The following FUNDC2 variants were observed in gnomAD, a reference collection of about 807,000 sequenced individuals.
The protein encoded by FUNDC2 is FUN14 domain containing 2.
Under a neutral mutation model 15.6 loss-of-function variants are expected in FUNDC2, and 4 were observed. The ratio of observed to expected loss-of-function variants is 0.26; its 90% confidence interval spans 0.13 to 0.59. The LOEUF (loss-of-function observed/expected upper bound fraction) is 0.59, where lower values mean the gene tolerates loss of function less well. FUNDC2 is among the 20% of genes least tolerant of loss of function. FUNDC2 has a pLI of 0.90. For synonymous variants in FUNDC2, 44 were observed against 56.9 expected, an observed-to-expected ratio of 0.77 and a Z score of 1.02; for missense variants, 98 against 149.7, an observed-to-expected ratio of 0.65 and a Z score of 1.80.
intron 3 of FUNDC2, among the ~76,000 whole-genome samples, chrX:155,048,193 T>C (rs782407386): frequency 2.7e-5 from 3 of 111,796 alleles, no homozygotes; most frequent in African/African-American, 9.8e-5. Flanking sequence ...ATAATTCCAA[T>C]ATTCAAGGGG....
At position 155,057,383 on chromosome X, in the gene FUNDC2, G is replaced by A. The variant is rs2073910219; in HGVS notation, c.*2711G>A. The A allele has an allele frequency of 9.0e-6, 1 of 111,325 alleles. No homozygotes were observed. The highest frequency in any genetic ancestry group is 1.9e-5 in the Non-Finnish European group (1 of 52,575). The allele number at this position is 111,325 out of a possible 1,213,427, so 9.2% of individuals were successfully genotyped here. A position where few individuals can be genotyped will look rare whatever the true frequency, so the allele number is the denominator to read the frequency against. ...TGACTGGAGAGGCCTGCTTAGCTAG[G>A]CACGTATTTTCTCCAGTAGCAGAGT... is the stretch of plus-strand genomic sequence containing the variant. On this transcript the variant is annotated 3_prime_UTR_variant, in exon 5 of 5. Coordinates refer to ENST00000369498, the MANE Select transcript of FUNDC2 (RefSeq NM_023934.4).
At chrX:155,045,997 C>T (rs1418884538) in intron 2 of FUNDC2, among the ~76,000 whole-genome samples, 1 of 111,031 alleles carries the variant, frequency 9.0e-6, no homozygotes, top group Non-Finnish European at 1.9e-5. Context: ...TCCCTTCCCC[C>T]ACCTTTTCCT....
At chrX:155,039,174 A>G (rs1471944096) in intron 2 of FUNDC2, among the ~76,000 whole-genome samples, 2 of 111,970 alleles carry the variant, frequency 1.8e-5, no homozygotes, top group Non-Finnish European at 3.8e-5. Flanking sequence ...AGAAATGTCT[A>G]TTCAGGTCCT....
chrX:155,027,605 T>C (rs1473408167), intron 1 of FUNDC2, among the ~76,000 whole-genome samples: 2 of 112,208 alleles, frequency 1.8e-5, no homozygotes, highest in Non-Finnish European at 3.8e-5. Context: ...TTAGGTTGTA[T>C]TTAATTTAGT....
At position 155,057,552 on chromosome X, in the gene FUNDC2, T is replaced by C. The variant is rs781788658; in HGVS notation, c.*2880T>C. On this transcript the variant is annotated 3_prime_UTR_variant, in exon 5 of 5. Transcript: ENST00000369498. Reference sequence around the variant, plus strand: ...TCGCCCCCTTGTGGCGGCGACGTGGTAACACCGCACTCAAGGCTTCCAACT... The same window carrying C: ...TCGCCCCCTTGTGGCGGCGACGTGGCAACACCGCACTCAAGGCTTCCAACT... 9.0e-6 allele frequency: 1 copy of C among 111,469 alleles called. No homozygotes were observed. The highest frequency in any genetic ancestry group is 1.9e-5 in the Non-Finnish European group (1 of 53,043). The allele number at this position is 111,469 out of a possible 1,213,427, so 9.2% of individuals were successfully genotyped here. A position where few individuals can be genotyped will look rare whatever the true frequency, so the allele number is the denominator to read the frequency against.
intron 1 of FUNDC2, among the ~76,000 whole-genome samples, chrX:155,028,826 A>G (rs2073804929): frequency 8.9e-6 from 1 of 111,981 alleles, no homozygotes; most frequent in African/African-American, 3.3e-5. Context: ...TCATTGCTTT[A>G]TAAGCCTTGA....
At chrX:155,028,109 G>GCTCTTATAGACTTTTATAAGAGCAGACTA (rs1569560145) in intron 1 of FUNDC2, among the ~76,000 whole-genome samples, 10 of 111,538 alleles carry the variant, frequency 9.0e-5, no homozygotes, top group African/African-American at 3.3e-4. Flanking sequence ...AGAGCAGACT[G>GCTCTTATAGACTTTTATAAGAGCAGACTA]CTCTTATAGG....
At chrX:155,054,034 A>G in intron 4 of FUNDC2, 5 of 753,508 alleles carry the variant, frequency 6.6e-6, no homozygotes, top group Non-Finnish European at 7.8e-6. Flanking sequence ...TAAGGAAATA[A>G]GAACGTCACC....
At chrX:155,028,118 G>GA (rs1557288459) in intron 1 of FUNDC2, among the ~76,000 whole-genome samples, 38 of 111,333 alleles carry the variant, frequency 3.4e-4, no homozygotes, top group African/African-American at 8.9e-4. Flanking sequence ...TGCTCTTATA[G>GA]GTTGATCAGG....
chrX:155,043,796 G>A (rs919204007), intron 2 of FUNDC2, among the ~76,000 whole-genome samples: 1 of 112,086 alleles, frequency 8.9e-6, no homozygotes, highest in Non-Finnish European at 1.9e-5. Flanking sequence ...TTTCAGAGTC[G>A]CTTCAGAAAT....
chrX:155,028,118 G>GACT (rs1557288459), intron 1 of FUNDC2, among the ~76,000 whole-genome samples: 2 of 111,452 alleles, frequency 1.8e-5, no homozygotes, highest in Admixed American at 9.4e-5. Flanking sequence ...TGCTCTTATA[G>GACT]GTTGATCAGG....
Position 155,059,592 on chromosome X carries a change from T to G in FUNDC2, c.*4920T>G, listed in dbSNP as rs1569560334. 8.9e-6 allele frequency: 1 copy of G among 111,879 alleles called. No homozygotes were observed. The highest frequency in any genetic ancestry group is 2.8e-4 in the East Asian group (1 of 3,604). The allele number at this position is 111,879 out of a possible 1,213,427, so 9.2% of individuals were successfully genotyped here. A position where few individuals can be genotyped will look rare whatever the true frequency, so the allele number is the denominator to read the frequency against. On this transcript the variant is annotated 3_prime_UTR_variant, in exon 5 of 5. Coordinates refer to ENST00000369498, the MANE Select transcript of FUNDC2 (RefSeq NM_023934.4). ...AGCCTTCTATGATGGCTATTTTATT[T>G]TTTTGTATGTCATAATAATACCTAA...
intron 1 of FUNDC2, among the ~76,000 whole-genome samples, chrX:155,030,399 G>C (rs782216036): frequency 1.9e-5 from 2 of 104,697 alleles, no homozygotes; most frequent in South Asian, 8.9e-4. Flanking sequence ...AAAATCAGTT[G>C]GTCATAGTGG....
intron 2 of FUNDC2, among the ~76,000 whole-genome samples, chrX:155,034,469 A>G (rs782117549): frequency 2.2e-4 from 25 of 112,040 alleles, no homozygotes; most frequent in African/African-American, 8.1e-4. Flanking sequence ...GGCTAATACT[A>G]TGCTTATATG....
intron 3 of FUNDC2, 101 bp from the exon 4 acceptor site, chrX:155,051,569 A>G (rs2073879691): frequency 1.1e-6 from 1 of 915,016 alleles, no homozygotes; most frequent in Non-Finnish European, 1.5e-6. Context: ...CAAAAATGGA[A>G]AGTCAGAGGG....
In FUNDC2 at chrX:155,057,039, T is replaced by TATATATATAGAGATATAAATATATAG. The variant is rs1569560291; in HGVS notation, c.*2367_*2368insATATATATAGAGATATAAATATATAG. 3.0e-4 allele frequency: 29 copies of TATATATATAGAGATATAAATATATAG among 95,678 alleles called. No homozygotes were observed. In the East Asian group the frequency reaches 8.3e-3, roughly 27 times the overall value. 7.9% of individuals were successfully genotyped at this position (95,678 alleles called of 1,213,427 possible). On this transcript the variant is annotated 3_prime_UTR_variant, in exon 5 of 5. Transcript: ENST00000369498. ...AGGTCAGTATTGCAGGTTGGCCTCA[T>TATATATATAGAGATATAAATATATAG]CCTGCTAGTATGAGAACGGCTGTGA...
intron 1 of FUNDC2, among the ~76,000 whole-genome samples, chrX:155,028,206 T>C (rs1369881283): frequency 2.8e-5 from 3 of 106,336 alleles, no homozygotes; most frequent in Non-Finnish European, 5.7e-5. Flanking sequence ...GATGATCACA[T>C]AATAACTGTG....
Position 155,055,628 on chromosome X carries a change from A to ACG in FUNDC2, c.*957_*958insGC, listed in dbSNP as rs1490042266. On this transcript the variant is annotated 3_prime_UTR_variant, in exon 5 of 5. Transcript: ENST00000369498. Reference sequence around the variant, plus strand: ...AGAATTATTCTTTAAAAGCTTACACACACACACACACACGGGCACACACGC... The same window carrying ACG: ...AGAATTATTCTTTAAAAGCTTACACACGCACACACACACACGGGCACACACGC... The ACG allele has an allele frequency of 5.6e-6, 1 of 179,162 alleles. No homozygotes were observed. Among genetic ancestry groups the ACG allele is most frequent in the African/African-American group, 3.0e-5 (1 of 33,328 alleles). The allele number at this position is 179,162 out of a possible 1,213,427, so 14.8% of individuals were successfully genotyped here.
At chrX:155,046,403 G>A in intron 2 of FUNDC2, 106 bp from the exon 3 acceptor site, 1 of 675,325 alleles carries the variant, frequency 1.5e-6, no homozygotes, top group Non-Finnish European at 2.4e-6. Context: ...GGGTAGGAAG[G>A]AGCTAGGTCA....
Sources: allele counts gnomAD v4.1 joint callset (sites outside exome capture counted in the v4.1 genomes callset), GRCh38; gene constraint gnomAD v4.1.1; transcripts MANE v1.5; gene names NCBI Gene and HGNC (gene_info 2026-07-23, HGNC 2026-07-21).